The following NLGN1 variants were observed in gnomAD, a reference collection of about 807,000 sequenced individuals.
The protein encoded by NLGN1 is neuroligin-1.
Under a neutral mutation model 65.5 loss-of-function variants are expected in NLGN1, and 12 were observed. That is an observed-to-expected ratio of 0.18 (90% confidence interval 0.12 to 0.30). The LOEUF (loss-of-function observed/expected upper bound fraction) is 0.30, where lower values mean the gene tolerates loss of function less well. NLGN1 is among the 10% of genes least tolerant of loss of function. The pLI is 1.00. For synonymous variants in NLGN1, 350 were observed against 359.5 expected (o/e 0.97, Z 0.30); for missense variants, 750 against 1,007.1 (o/e 0.74, Z 3.46).
chr3:173,873,198 C>A (rs553190306), intron 4 of NLGN1, among the ~76,000 whole-genome samples: 1 of 151,814 alleles, frequency 6.6e-6, no homozygotes, highest in South Asian at 2.1e-4. Context: ...AAGTGATTCT[C>A]ATGCCTCAGC....
chr3:174,071,704 C>T (rs1026300405), intron 4 of NLGN1, among the ~76,000 whole-genome samples: 3 of 138,588 alleles, frequency 2.2e-5, no homozygotes, highest in South Asian at 2.3e-4. Flanking sequence ...AGACCCTTTG[C>T]GAGACCCTGT....
chr3:173,627,867 A>G (rs1332086851), intron 3 of NLGN1, among the ~76,000 whole-genome samples: 1 of 150,148 alleles, frequency 6.7e-6, no homozygotes, highest in African/African-American at 2.4e-5. Context: ...GCTGTTCAGA[A>G]AAAAAAAAAG....
At position 173,530,118 on chromosome 3, in the gene NLGN1, C is replaced by A. The variant is rs533980166; in HGVS notation, c.-320-74161C>A. On this transcript the variant is annotated intron_variant, in intron 2 of 6. Coordinates refer to ENST00000457714, the Ensembl canonical transcript of NLGN1. ...TACAGTTACACACCAACATGCCTGGCTAATTTTTGTATTTTTAGTAGAGAC... is the reference window on the plus strand; with the variant it reads ...TACAGTTACACACCAACATGCCTGGATAATTTTTGTATTTTTAGTAGAGAC... Among the ~76,000 whole-genome samples the A allele has an allele frequency of 3.3e-4, 50 of 152,180 alleles. No individual in the cohort carries two copies. The South Asian group carries it at 9.5e-3, about 29-fold the overall frequency.
At chr3:174,102,133 G>A (rs1460246094) in intron 4 of NLGN1, among the ~76,000 whole-genome samples, 2 of 152,148 alleles carry the variant, frequency 1.3e-5, no homozygotes, top group African/African-American at 4.8e-5. Context: ...AGAGGCCTTT[G>A]TGGTTGCCAT....
intron 4 of NLGN1, among the ~76,000 whole-genome samples, chr3:174,008,221 G>T (rs1724838217): frequency 6.6e-6 from 1 of 152,004 alleles, no homozygotes; most frequent in Non-Finnish European, 1.5e-5. Context: ...TTAATAGAAA[G>T]ATCTCACAAT....
intron 4 of NLGN1, among the ~76,000 whole-genome samples, chr3:174,156,990 A>G (rs1182732624): frequency 1.3e-5 from 2 of 149,362 alleles, no homozygotes; most frequent in Non-Finnish European, 3.0e-5. Context: ...ATATATGTAT[A>G]TTTATATATA....
At chr3:173,631,747 G>C (rs934506584) in intron 3 of NLGN1, among the ~76,000 whole-genome samples, 4 of 152,036 alleles carry the variant, frequency 2.6e-5, no homozygotes, top group Non-Finnish European at 2.9e-5. Context: ...CATGCACTCA[G>C]AATAGGTTAA....
At chr3:173,545,767 A>T (rs1163705632) in intron 2 of NLGN1, among the ~76,000 whole-genome samples, 1 of 152,148 alleles carries the variant, frequency 6.6e-6, no homozygotes, top group Non-Finnish European at 1.5e-5. Context: ...TGCAACCATA[A>T]AAAAGGAGGA....
intron 1 of NLGN1, among the ~76,000 whole-genome samples, chr3:173,401,096 C>T (rs1717599362): frequency 6.6e-6 from 1 of 152,160 alleles, no homozygotes; most frequent in Non-Finnish European, 1.5e-5. Flanking sequence ...CTCAGGGTTT[C>T]TCAGCTTTGA....
intron 3 of NLGN1, among the ~76,000 whole-genome samples, chr3:173,685,945 T>C (rs1381180043): frequency 6.6e-6 from 1 of 152,162 alleles, no homozygotes; most frequent in Non-Finnish European, 1.5e-5. Context: ...GTACGTGGAC[T>C]ATATCAAGCT....
At chr3:174,226,451 G>A (rs1245085638) in intron 4 of NLGN1, among the ~76,000 whole-genome samples, 4 of 152,080 alleles carry the variant, frequency 2.6e-5, no homozygotes, top group Non-Finnish European at 2.9e-5. Context: ...TTGCTTGGTG[G>A]CATTATTGCA....
intron 2 of NLGN1, among the ~76,000 whole-genome samples, chr3:173,513,254 G>A (rs969159016): frequency 6.6e-6 from 1 of 152,112 alleles, no homozygotes; most frequent in East Asian, 1.9e-4. Flanking sequence ...TTGCTGTGAG[G>A]AGGTGGTAGA....
chr3:174,064,751 G>A (rs755730180), intron 4 of NLGN1, among the ~76,000 whole-genome samples: 4 of 150,496 alleles, frequency 2.7e-5, no homozygotes, highest in South Asian at 2.1e-4. Flanking sequence ...TAATAAAAAG[G>A]TTAGAAGTAA....
At chr3:174,010,199 A>G (rs1031283389) in intron 4 of NLGN1, among the ~76,000 whole-genome samples, 10 of 152,202 alleles carry the variant, frequency 6.6e-5, no homozygotes, top group East Asian at 3.9e-4. Flanking sequence ...GACAAACTCT[A>G]TAATGCTTTA....
At chr3:173,992,241 A>G (rs1721274061) in intron 4 of NLGN1, among the ~76,000 whole-genome samples, 1 of 152,160 alleles carries the variant, frequency 6.6e-6, no homozygotes, top group African/African-American at 2.4e-5. Context: ...ATATATTTTT[A>G]TGTGAACTCT....
At chr3:173,453,423 A>G (rs1291329099) in intron 2 of NLGN1, among the ~76,000 whole-genome samples, 2 of 151,872 alleles carry the variant, frequency 1.3e-5, no homozygotes, top group Admixed American at 1.3e-4. Flanking sequence ...AGTTGGTCAC[A>G]TTGATTGATC....
At chr3:173,558,955 T>A (rs563655929) in intron 2 of NLGN1, among the ~76,000 whole-genome samples, 2 of 152,264 alleles carry the variant, frequency 1.3e-5, no homozygotes, top group East Asian at 3.9e-4. Flanking sequence ...GTGGTTAAGA[T>A]GTAGGAATCC....
intron 4 of NLGN1, among the ~76,000 whole-genome samples, chr3:174,262,266 G>C (rs1244396840): frequency 1.0e-5 from 1 of 96,740 alleles, no homozygotes; most frequent in South Asian, 4.2e-4. Context: ...AATGGTACCA[G>C]TTCCTCCTTG....
At chr3:174,058,853 G>T (rs985788242) in intron 4 of NLGN1, among the ~76,000 whole-genome samples, 1 of 151,962 alleles carries the variant, frequency 6.6e-6, no homozygotes, top group African/African-American at 2.4e-5. Context: ...AAATTTTTCA[G>T]TACTTCCTTG....
Sources: gnomAD v4.1 joint callset for allele counts (sites outside exome capture counted in the v4.1 genomes callset) on GRCh38, gnomAD v4.1.1 for gene constraint, MANE v1.5 for transcripts, NCBI Gene and HGNC (gene_info 2026-07-23, HGNC 2026-07-21) for gene names.